The following CWF19L2 variants were observed in gnomAD, a reference collection of about 807,000 sequenced individuals.
CWF19L2 encodes CWF19 like cell cycle control factor 2.
In CWF19L2, 98 loss-of-function variants were observed where a neutral mutation model predicts 111.7. The observed-to-expected ratio is 0.88, with a 90% CI of 0.75 to 1.04. The LOEUF is 1.04. Ranked by LOEUF, CWF19L2 falls within the 50% of genes least tolerant of loss-of-function variation. The pLI, the probability that CWF19L2 is intolerant of heterozygous loss-of-function variation, is 0.00. For missense variants in CWF19L2, 1,101 were observed against 1,051.4 expected (o/e 1.05, Z -0.65); for synonymous variants, 351 against 342.9 (o/e 1.02, Z -0.26).
intron 5 of CWF19L2, among the ~76,000 whole-genome samples, chr11:107,441,164 AGATG>A (rs1284435981): frequency 1.3e-5 from 2 of 152,150 alleles, no homozygotes; most frequent in African/African-American, 4.8e-5. Context: ...CAGAATTTCT[AGATG>A]TCTTGAAATG....
chr11:107,362,167 G>T (rs187102007), intron 12 of CWF19L2, among the ~76,000 whole-genome samples: 1 of 150,880 alleles, frequency 6.6e-6, no homozygotes, highest in Admixed American at 6.6e-5. Context: ...TGGCTCGGAG[G>T]GTCCTACGCC....
chr11:107,449,199 A>G (rs1861745033), intron 3 of CWF19L2, among the ~76,000 whole-genome samples: 1 of 151,924 alleles, frequency 6.6e-6, no homozygotes, highest in Admixed American at 6.5e-5. Flanking sequence ...CAAGTATCTG[A>G]AAAATGAAGA....
At chr11:107,330,947 A>G (rs1163409193) in intron 16 of CWF19L2, among the ~76,000 whole-genome samples, 1 of 152,230 alleles carries the variant, frequency 6.6e-6, no homozygotes. Flanking sequence ...GGCACAATGT[A>G]GAAGGGCACA....
chr11:107,428,400 G>T (rs1057326422), intron 8 of CWF19L2, among the ~76,000 whole-genome samples: 2 of 151,844 alleles, frequency 1.3e-5, no homozygotes. Flanking sequence ...TTGTCTCCTA[G>T]ACTTCCTATA....
intron 14 of CWF19L2, among the ~76,000 whole-genome samples, chr11:107,340,928 C>T (rs1414628869): frequency 6.6e-6 from 1 of 152,182 alleles, no homozygotes; most frequent in Non-Finnish European, 1.5e-5. Flanking sequence ...CGTCCATCCT[C>T]AGTATTTGTG....
intron 10 of CWF19L2, among the ~76,000 whole-genome samples, chr11:107,408,024 G>C (rs888737424): frequency 1.3e-5 from 2 of 151,890 alleles, no homozygotes; most frequent in African/African-American, 4.8e-5. Flanking sequence ...GTCATAAATA[G>C]AATAGCTTTT....
chr11:107,437,453 C>T (rs947047582), intron 6 of CWF19L2, among the ~76,000 whole-genome samples: 2 of 152,148 alleles, frequency 1.3e-5, no homozygotes, highest in South Asian at 2.1e-4. Flanking sequence ...AGTTCCACCC[C>T]TACCATCGGT....
intron 8 of CWF19L2, among the ~76,000 whole-genome samples, chr11:107,426,573 T>C (rs934223100): frequency 2.0e-5 from 3 of 151,684 alleles, no homozygotes; most frequent in Non-Finnish European, 4.4e-5. Context: ...ATTCCATCAA[T>C]AGGAAACCAG....
intron 10 of CWF19L2, among the ~76,000 whole-genome samples, chr11:107,402,873 G>GTGTGTATATGTATATATATATATA (rs1247886311): frequency 1.1e-5 from 1 of 94,468 alleles, no homozygotes; most frequent in African/African-American, 4.8e-5. Context: ...ACTGTGGTGT[G>GTGTGTATATGTATATATATATATA]TATATATATA....
chr11:107,438,996 C>T (rs903939633), intron 6 of CWF19L2, 94 bp downstream of exon 6: 1 of 628,022 alleles, frequency 1.6e-6, no homozygotes, highest in South Asian at 2.0e-5. Context: ...CATGATCGCA[C>T]CACTGCACTC....
chr11:107,363,231 C>G (rs1167826476), intron 12 of CWF19L2, among the ~76,000 whole-genome samples: 4 of 152,038 alleles, frequency 2.6e-5, no homozygotes, highest in African/African-American at 9.7e-5. Context: ...AGAATGGAAC[C>G]AAGTTGGAAA....
intron 12 of CWF19L2, among the ~76,000 whole-genome samples, chr11:107,388,936 G>A (rs1860809988): frequency 6.6e-6 from 1 of 152,076 alleles, no homozygotes. Context: ...AAGATCTCAT[G>A]AAACTCTTGC....
At chr11:107,407,722 T>C (rs1861100434) in intron 10 of CWF19L2, among the ~76,000 whole-genome samples, 2 of 152,056 alleles carry the variant, frequency 1.3e-5, no homozygotes, top group South Asian at 2.1e-4. Flanking sequence ...AGATAGTCTA[T>C]GACATAATTC....
chr11:107,444,335 A>C (rs1861673108), intron 3 of CWF19L2, among the ~76,000 whole-genome samples: 2 of 152,136 alleles, frequency 1.3e-5, no homozygotes, highest in South Asian at 4.2e-4. Flanking sequence ...ACTGTGCCGA[A>C]CTCAACAAAA....
At chr11:107,369,503 A>G (rs1206259150) in intron 12 of CWF19L2, among the ~76,000 whole-genome samples, 1 of 137,678 alleles carries the variant, frequency 7.3e-6, no homozygotes, top group Non-Finnish European at 1.6e-5. Context: ...AAAAAAAGAC[A>G]CATAGGCTTG....
At position 107,429,157 on chromosome 11, in the gene CWF19L2, A is replaced by C. The variant is rs1861424661; in HGVS notation, c.1075T>G (p.Phe359Val). The C allele has an allele frequency of 6.2e-7, 1 of 1,611,790 alleles. No homozygotes were observed. Among genetic ancestry groups the C allele is most frequent in the Non-Finnish European group, 8.5e-7 (1 of 1,179,288 alleles). The change falls in exon 8 of 18, where the codon TTT (phenylalanine) becomes GTT (valine). Residue 359 changes from phenylalanine to valine, a missense_variant. Physicochemically the swap from Phe to Val is conservative, Grantham distance 50. Coordinates refer to ENST00000282251, the MANE Select transcript of CWF19L2 (RefSeq NM_152434.3). ...RESNPRQNQE[F>V]SFGNLRAKFL... ...TTAGCTCTCAAATTGCCAAAAGAAA[A>C]CTCTTGATTTTGCCTTGGGTTAGAT...
At chr11:107,358,393 T>C (rs1860270899) in intron 12 of CWF19L2, among the ~76,000 whole-genome samples, 1 of 151,740 alleles carries the variant, frequency 6.6e-6, no homozygotes, top group Admixed American at 6.6e-5. Flanking sequence ...GAAGAAAGTT[T>C]ACAAATTTGT....
At chr11:107,330,996 A>C (rs978320644) in intron 16 of CWF19L2, among the ~76,000 whole-genome samples, 3 of 152,204 alleles carry the variant, frequency 2.0e-5, no homozygotes, top group African/African-American at 7.2e-5. Flanking sequence ...GAAATATTAT[A>C]AGGCAACTAA....
intron 5 of CWF19L2, among the ~76,000 whole-genome samples, chr11:107,440,096 T>G (rs1861600775): frequency 6.6e-6 from 1 of 151,980 alleles, no homozygotes; most frequent in Non-Finnish European, 1.5e-5. Context: ...TAAATTATGG[T>G]CTAGAGAAGG....
Sources: allele counts gnomAD v4.1 joint callset (sites outside exome capture counted in the v4.1 genomes callset), GRCh38; gene constraint gnomAD v4.1.1; transcripts MANE v1.5; gene names NCBI Gene and HGNC (gene_info 2026-07-23, HGNC 2026-07-21).